The following SH3PXD2A variants were observed in gnomAD, a reference collection of about 807,000 sequenced individuals.
SH3PXD2A encodes SH3 and PX domains 2A.
Under a neutral mutation model 115.2 loss-of-function variants are expected in SH3PXD2A, and 32 were observed. That is an observed-to-expected ratio of 0.28 (90% CI 0.21 to 0.37). The LOEUF (loss-of-function observed/expected upper bound fraction) is 0.37, where lower values mean the gene tolerates loss of function less well. Among genes scored for constraint, SH3PXD2A ranks in the 10% least tolerant of loss-of-function variants. SH3PXD2A has a pLI of 1.00. For missense variants in SH3PXD2A, 1,328 were observed against 1,498.7 expected (o/e 0.89, Z 1.88); for synonymous variants, 610 against 629.1 (o/e 0.97, Z 0.45).
At chr10:103,736,764 C>T in intron 3 of SH3PXD2A, 2 of 1,289,256 alleles carry the variant, frequency 1.6e-6, no homozygotes, top group Non-Finnish European at 2.0e-6. Context: ...GAGCTTGGCA[C>T]ATGATGAAGT....
chr10:103,633,430 A>G (rs2036812831), intron 8 of SH3PXD2A, among the ~76,000 whole-genome samples: 1 of 151,586 alleles, frequency 6.6e-6, no homozygotes, highest in Non-Finnish European at 1.5e-5. Context: ...ACAAAAACAA[A>G]AACAAAAAAA....
chr10:103,650,512 ACACCTGTC>A (rs1383446500), intron 8 of SH3PXD2A, among the ~76,000 whole-genome samples: 2 of 152,264 alleles, frequency 1.3e-5, no homozygotes, highest in South Asian at 2.1e-4. Context: ...TGGCTGGATC[ACACCTGTC>A]CACCTGTCCA....
chr10:103,781,382 C>T (rs1018591988), intron 2 of SH3PXD2A, among the ~76,000 whole-genome samples: 8 of 152,184 alleles, frequency 5.3e-5, no homozygotes, highest in Non-Finnish European at 1.2e-4. Flanking sequence ...TGGCTAGATG[C>T]AAAACTCCAC....
intron 2 of SH3PXD2A, among the ~76,000 whole-genome samples, chr10:103,775,447 A>C (rs2038868468): frequency 6.6e-6 from 1 of 152,194 alleles, no homozygotes; most frequent in African/African-American, 2.4e-5. Context: ...TTAGGAAAGG[A>C]CAAGATCAGT....
chr10:103,811,364 A>T (rs920324344), intron 1 of SH3PXD2A, among the ~76,000 whole-genome samples: 1 of 152,260 alleles, frequency 6.6e-6, no homozygotes, highest in East Asian at 1.9e-4. Context: ...ACTAATGGCC[A>T]TGCCAATGTA....
chr10:103,712,893 A>G (rs2038062387), intron 5 of SH3PXD2A, among the ~76,000 whole-genome samples: 1 of 152,230 alleles, frequency 6.6e-6, no homozygotes, highest in African/African-American at 2.4e-5. Flanking sequence ...CAATGGCATG[A>G]GTCCAGCCTC....
At chr10:103,741,656 C>T (rs764471773) in intron 3 of SH3PXD2A, among the ~76,000 whole-genome samples, 7 of 152,192 alleles carry the variant, frequency 4.6e-5, no homozygotes, top group Non-Finnish European at 8.8e-5. Flanking sequence ...CCCAGGCTGT[C>T]GAGGGAGACT....
At chr10:103,731,285 C>T (rs1005637347) in intron 4 of SH3PXD2A, among the ~76,000 whole-genome samples, 2 of 151,868 alleles carry the variant, frequency 1.3e-5, no homozygotes, top group African/African-American at 4.8e-5. Context: ...CTCAGCCTCA[C>T]CAATAGATGG....
At chr10:103,725,807 C>T (rs1031193104) in intron 4 of SH3PXD2A, among the ~76,000 whole-genome samples, 1 of 151,500 alleles carries the variant, frequency 6.6e-6, no homozygotes, top group Non-Finnish European at 1.5e-5. Context: ...CCAGCCTGGG[C>T]AACAGAGCAA....
intron 2 of SH3PXD2A, among the ~76,000 whole-genome samples, chr10:103,795,924 AAGGAAGGCAGGAAGGAAG>A (rs2039082622): frequency 7.8e-6 from 1 of 127,844 alleles, no homozygotes; most frequent in Non-Finnish European, 1.7e-5. Context: ...GGAAGGAAGG[AAGGAAGGCAGGAAGGAAG>A]GAAGGAAGGA....
intron 8 of SH3PXD2A, among the ~76,000 whole-genome samples, chr10:103,655,030 C>T (rs2037189546): frequency 6.6e-6 from 1 of 152,210 alleles, no homozygotes; most frequent in South Asian, 2.1e-4. Flanking sequence ...CCTTTCCCCT[C>T]CAGCCAGCTC....
At chr10:103,671,359 G>A (rs1403277073) in intron 6 of SH3PXD2A, among the ~76,000 whole-genome samples, 3 of 152,206 alleles carry the variant, frequency 2.0e-5, no homozygotes, top group East Asian at 1.9e-4. Context: ...AAAGGGGGCC[G>A]GACATGGCCT....
In SH3PXD2A at chr10:103,596,087, T is replaced by TG. The variant is rs1223681232; in HGVS notation, c.*5728dup. On this transcript the variant is annotated 3_prime_UTR_variant, in exon 15 of 15. Coordinates refer to ENST00000369774, the MANE Select transcript of SH3PXD2A (RefSeq NM_001394015.1). ...GAAGTGTTTGGTCTGGCCCTGCAGT[T>TG]GGGACTAAACTTATATGCACCTGCA... The TG allele has an allele frequency of 2.6e-5, 4 of 152,236 alleles. No homozygotes were observed. Among genetic ancestry groups the TG allele is most frequent in the Non-Finnish European group, 5.9e-5 (4 of 68,036 alleles). The allele number at this position is 152,236 out of a possible 1,614,324, so 9.4% of individuals were successfully genotyped here. A position where few individuals can be genotyped will look rare whatever the true frequency, so the allele number is the denominator to read the frequency against.
intron 5 of SH3PXD2A, among the ~76,000 whole-genome samples, chr10:103,696,532 C>T (rs923801): frequency 0.026 from 3,933 of 152,218 alleles, 160 homozygotes; most frequent in African/African-American, 0.09. Context: ...ATCCACACTC[C>T]GTCCTTGCTC....
At chr10:103,637,733 G>A (rs2036887858) in intron 8 of SH3PXD2A, among the ~76,000 whole-genome samples, 1 of 152,152 alleles carries the variant, frequency 6.6e-6, no homozygotes, top group Non-Finnish European at 1.5e-5. Context: ...AAGTGGCGAC[G>A]GGTGGGGAGA....
Position 103,781,622 on chromosome 10 carries a change from C to T in SH3PXD2A, c.154-14453G>A, listed in dbSNP as rs562664816. Among the ~76,000 whole-genome samples, 205 of 152,346 alleles carry T rather than the reference C, an allele frequency of 1.3e-3. 1 individual carries two copies. The highest frequency in any genetic ancestry group is 2.5e-3 in the Non-Finnish European group (169 of 68,038). ...CAATAGAAAATGTAGATTCCTCCTG[C>T]GGTTCTATCCTTAGATCCAATCAAG... On this transcript the variant is annotated intron_variant, in intron 2 of 14. Transcript: ENST00000369774.
chr10:103,843,000 G>A (rs2039615192), intron 1 of SH3PXD2A, among the ~76,000 whole-genome samples: 1 of 152,184 alleles, frequency 6.6e-6, no homozygotes, highest in African/African-American at 2.4e-5. Context: ...TAAGATGAGA[G>A]GTCAGGGAAG....
At chr10:103,732,721 G>T (rs750159757) in intron 4 of SH3PXD2A, among the ~76,000 whole-genome samples, 1 of 152,212 alleles carries the variant, frequency 6.6e-6, no homozygotes, top group African/African-American at 2.4e-5. Flanking sequence ...AGCCCACATT[G>T]TCTAGCAGGT....
intron 1 of SH3PXD2A, among the ~76,000 whole-genome samples, chr10:103,822,008 A>G (rs773468868): frequency 6.6e-6 from 1 of 151,978 alleles, no homozygotes; most frequent in Non-Finnish European, 1.5e-5. Flanking sequence ...GGTTCAAGTA[A>G]TTCTCCAGCC....
Sources: gnomAD v4.1 joint callset for allele counts (sites outside exome capture counted in the v4.1 genomes callset) on GRCh38, gnomAD v4.1.1 for gene constraint, MANE v1.5 for transcripts, NCBI Gene and HGNC (gene_info 2026-07-23, HGNC 2026-07-21) for gene names.